Variants in DHX8 observed in about 807,000 individuals in gnomAD.
DHX8 encodes the protein DEAH-box helicase 8.
In DHX8, 67 loss-of-function variants were observed where a neutral mutation model predicts 140.7. That is an observed-to-expected ratio of 0.48 (90% CI 0.39 to 0.58). The LOEUF is 0.58. Among genes scored for constraint, DHX8 ranks in the 20% least tolerant of loss-of-function variants. The pLI is 0.00. For missense variants in DHX8, 887 were observed against 1,550.7 expected (o/e 0.57, Z 7.19); for synonymous variants, 533 against 553.2 (o/e 0.96, Z 0.51).
downstream of DHX8, among the ~76,000 whole-genome samples, chr17:43,527,668 TCATTAAGCC>T (rs759997201): frequency 6.6e-6 from 1 of 152,200 alleles, no homozygotes; most frequent in Non-Finnish European, 1.5e-5. Flanking sequence ...AGGGCAGGTA[TCATTAAGCC>T]CATTTTTCAG....
intron 18 of DHX8, 128 bp from the exon 19 acceptor site, chr17:43,520,002 C>T (rs534356132): frequency 2.1e-5 from 21 of 988,112 alleles, no homozygotes; most frequent in African/African-American, 1.1e-4. Flanking sequence ...GAAGTTACCG[C>T]CAGTCTCACC....
At chr17:43,505,137 G>A (rs981842824) in intron 12 of DHX8, among the ~76,000 whole-genome samples, 2 of 152,140 alleles carry the variant, frequency 1.3e-5, no homozygotes, top group Admixed American at 1.3e-4. Flanking sequence ...TTGGTGGGGC[G>A]TGGTGGCCCA....
chr17:43,510,941 A>C (rs1396916400), intron 16 of DHX8, among the ~76,000 whole-genome samples: 2 of 152,206 alleles, frequency 1.3e-5, no homozygotes, highest in Non-Finnish European at 2.9e-5. Context: ...GAGTTCATCA[A>C]CATTGTAGTA....
chr17:43,537,717 G>A (rs932588199), intron 3 of DHX8, among the ~76,000 whole-genome samples: 2 of 151,566 alleles, frequency 1.3e-5, no homozygotes, highest in Admixed American at 6.6e-5. Context: ...AATAAAGGCC[G>A]GGCATGGTGG....
chr17:43,519,963 T>A (rs552078699), intron 18 of DHX8, 167 bp from the exon 19 acceptor site: 3 of 652,788 alleles, frequency 4.6e-6, no homozygotes, highest in Non-Finnish European at 8.0e-6. Flanking sequence ...TCTATTATAA[T>A]AGTCTGAGTT....
chr17:43,512,762 T>C (rs1969914755), intron 16 of DHX8, among the ~76,000 whole-genome samples: 1 of 152,102 alleles, frequency 6.6e-6, no homozygotes, highest in Non-Finnish European at 1.5e-5. Flanking sequence ...AACCTTTGGG[T>C]GGAAGAACAG....
Position 43,508,469 on chromosome 17 carries a change from C to G in DHX8, c.2451C>G (p.Pro817=), listed in dbSNP as rs2154586659. Residue 817 remains proline, a synonymous_variant, in exon 16 of 23, where the codon CCC becomes CCG. Transcript: ENST00000262415. ...TCCTCCCAGTGTACTCTGCTCTTCC[C>G]AGTGAGATGCAGACCCGAATCTTTG... The part of the protein sequence containing the change: ...LIILPVYSAL[P]SEMQTRIFDP... 1.2e-6 allele frequency: 2 copies of G among 1,613,740 alleles called. No homozygotes were observed. Among genetic ancestry groups the G allele is most frequent in the Middle Eastern group, 1.6e-4 (1 of 6,062 alleles).
At chr17:43,528,730 C>T (rs373515634), downstream of DHX8, 194 of 1,614,042 alleles carry the variant, frequency 1.2e-4, no homozygotes, top group Middle Eastern at 3.5e-3. Flanking sequence ...GTACACGTAA[C>T]GCTCACCAGC....
chr17:43,501,934 A>AT (rs1246707213), intron 11 of DHX8, among the ~76,000 whole-genome samples: 1 of 152,202 alleles, frequency 6.6e-6, no homozygotes, highest in East Asian at 1.9e-4. Flanking sequence ...TGGCTTGAAC[A>AT]TGGAGGTAGC....
rs141943585 is a variant in DHX8 at position 43,492,255 on chromosome 17, G to T, written c.466G>T (p.Ala156Ser). The change falls in exon 5 of 23, where the codon GCA becomes TCA. Residue 156 changes from alanine to serine, a missense_variant. Coordinates refer to ENST00000262415, the MANE Select transcript of DHX8 (RefSeq NM_004941.3). ...AGAACTGGAAGCTTTAATGCCCAGC[G>T]CAGCAGGCCAGGAGAAGCAAAGAGA... ...LKELEALMPS[A>S]AGQEKQRDAE... The T allele has an allele frequency of 6.2e-7, 1 of 1,613,904 alleles. No homozygotes were observed. The highest frequency in any genetic ancestry group is 1.3e-5 in the African/African-American group (1 of 74,918).
intron 9 of DHX8, among the ~76,000 whole-genome samples, chr17:43,496,525 C>G (rs1968869599): frequency 6.6e-6 from 1 of 152,180 alleles, no homozygotes; most frequent in Non-Finnish European, 1.5e-5. Context: ...CGCCTGTAAT[C>G]CCAGCACTTT....
chr17:43,530,803 C>T (rs2154587055), downstream of DHX8, among the ~76,000 whole-genome samples: 1 of 152,202 alleles, frequency 6.6e-6, no homozygotes, highest in South Asian at 2.1e-4. Context: ...GCCACCCGTT[C>T]AAGTTCCAAC....
At chr17:43,528,552 C>CTGGGCGGGGCCAGCCAGCTCTGGGAGG, downstream of DHX8, 2 of 1,612,604 alleles carry the variant, frequency 1.2e-6, no homozygotes, top group Non-Finnish European at 1.7e-6. Context: ...GGCCAAATGG[C>CTGGGCGGGGCCAGCCAGCTCTGGGAGG]TGGGCGGGGC....
At chr17:43,515,973 AT>A (rs552222665) in intron 17 of DHX8, among the ~76,000 whole-genome samples, 1 of 151,668 alleles carries the variant, frequency 6.6e-6, no homozygotes, top group Non-Finnish European at 1.5e-5. Flanking sequence ...GCTAAACTAC[AT>A]TTTTTTTAAT....
At chr17:43,537,111 A>T (rs1971281847) in intron 3 of DHX8, among the ~76,000 whole-genome samples, 1 of 152,238 alleles carries the variant, frequency 6.6e-6, no homozygotes, top group South Asian at 2.1e-4. Context: ...CACGCCTATA[A>T]TCCCAGCACT....
chr17:43,509,325 T>C (rs1264095675), intron 16 of DHX8, among the ~76,000 whole-genome samples: 1 of 152,180 alleles, frequency 6.6e-6, no homozygotes, highest in East Asian at 1.9e-4. Flanking sequence ...GTAGGGCCAG[T>C]TCAGGGAATG....
At chr17:43,538,371 C>T (rs1971352288) in intron 3 of DHX8, among the ~76,000 whole-genome samples, 1 of 152,018 alleles carries the variant, frequency 6.6e-6, no homozygotes, top group African/African-American at 2.4e-5. Context: ...GTGACTGGGA[C>T]CACTGCAGAA....
In DHX8 at chr17:43,496,164, T is replaced by G. The variant is rs1318660121; in HGVS notation, c.1213-17T>G. On this transcript the variant is annotated splice_polypyrimidine_tract_variant and intron_variant, in intron 8 of 22. Coordinates refer to ENST00000262415, the MANE Select transcript of DHX8 (RefSeq NM_004941.3). ...ATCTTAGCAGGTTACAAATGCTGCC[T>G]TCTCTTCTTTGGCTAGATGATTGCT... 3 of 1,605,046 alleles carry G rather than the reference T, an allele frequency of 1.9e-6. No individual in the cohort carries two copies. The highest frequency in any genetic ancestry group is 1.7e-6 in the Non-Finnish European group (2 of 1,174,294).
At chr17:43,540,241 T>C (rs1201524869) in intron 3 of DHX8, among the ~76,000 whole-genome samples, 2 of 152,050 alleles carry the variant, frequency 1.3e-5, no homozygotes, top group Non-Finnish European at 2.9e-5. Flanking sequence ...CGATCTGAGG[T>C]CTGGAATTCT....
Sources: allele counts gnomAD v4.1 joint callset (sites outside exome capture counted in the v4.1 genomes callset), GRCh38; gene constraint gnomAD v4.1.1; transcripts MANE v1.5; gene names NCBI Gene and HGNC (gene_info 2026-07-23, HGNC 2026-07-21).